The following TNKS variants were observed in gnomAD, a reference collection of about 807,000 sequenced individuals.
The protein encoded by TNKS is poly [ADP-ribose] polymerase tankyrase-1.
Under a neutral mutation model 135.8 loss-of-function variants are expected in TNKS, and 72 were observed. The ratio of observed to expected loss-of-function variants is 0.53; its 90% CI spans 0.44 to 0.64. TNKS has a LOEUF of 0.64. Ranked by LOEUF, TNKS falls within the 30% of genes least tolerant of loss-of-function variation. The pLI is 0.00. For synonymous variants in TNKS, 849 were observed against 649.3 expected (o/e 1.31, Z -4.68); for missense variants, 1,769 against 1,674.0 (o/e 1.06, Z -0.99).
At chr8:9,706,786 T>C (rs1804068448) in intron 7 of TNKS, 25 bp from the exon 8 acceptor site, 23 of 1,581,406 alleles carry the variant, frequency 1.5e-5, no homozygotes, top group Non-Finnish European at 1.9e-5. Flanking sequence ...ATTACTGACC[T>C]AAAATGTTTT....
chr8:9,661,912 C>G (rs1379871207), intron 3 of TNKS, among the ~76,000 whole-genome samples: 1 of 152,090 alleles, frequency 6.6e-6, no homozygotes, highest in African/African-American at 2.4e-5. Flanking sequence ...AACCCCATCA[C>G]AAAGTGGGCA....
intron 3 of TNKS, among the ~76,000 whole-genome samples, chr8:9,649,873 C>CTT (rs1563141635): frequency 5.2e-5 from 5 of 95,802 alleles, no homozygotes; most frequent in East Asian, 3.0e-4. Flanking sequence ...TCTTTCTTTT[C>CTT]TTTTCTTTTT....
chr8:9,645,387 T>C (rs1464312834), intron 3 of TNKS, among the ~76,000 whole-genome samples: 1 of 152,062 alleles, frequency 6.6e-6, no homozygotes, highest in Non-Finnish European at 1.5e-5. Flanking sequence ...TAGTAAACAG[T>C]TTTATGCAAG....
rs565334140 is a variant in TNKS at position 9,703,410 on chromosome 8, A to C, written c.1108-1253A>C. Among the ~76,000 whole-genome samples, 92 of 152,350 alleles carry C rather than the reference A, an allele frequency of 6.0e-4. 1 individual carries two copies. Among genetic ancestry groups the C allele is most frequent in the Non-Finnish European group, 1.0e-3 (68 of 68,032 alleles). The stretch of plus-strand genomic sequence containing the variant: ...ATTTTCACAGGTTTTTCAGATAGCG[A>C]GGATGAGTGATTTTATCTCCATTTT... On this transcript the variant is annotated intron_variant, in intron 5 of 26. Transcript: ENST00000310430.
intron 3 of TNKS, among the ~76,000 whole-genome samples, chr8:9,635,173 GAAA>G (rs35383195): frequency 1.5e-5 from 2 of 129,220 alleles, no homozygotes. Flanking sequence ...CCGTCTCGGG[GAAA>G]AAAAAAAAAA....
chr8:9,561,195 A>C (rs966140662), intron 1 of TNKS, among the ~76,000 whole-genome samples: 1 of 152,212 alleles, frequency 6.6e-6, no homozygotes, highest in African/African-American at 2.4e-5. Flanking sequence ...GCTAATTTGC[A>C]TATCATTATC....
chr8:9,735,059 A>G lies in TNKS; in HGVS notation c.2508A>G (p.Arg836=), dbSNP rs1805624784. The G allele has an allele frequency of 1.2e-6, 2 of 1,614,156 alleles. No individual in the cohort carries two copies. Among genetic ancestry groups the G allele is most frequent in the Non-Finnish European group, 1.7e-6 (2 of 1,180,012 alleles). Residue 836 remains arginine (R), a synonymous_variant, in exon 16 of 27, where the codon AGA becomes AGG. Transcript: ENST00000310430. ...TCAACTGCAGAGACACCCAGGGCAG[A>G]AATTCAACCCCTCTGCACCTGGCAG... ...ENINCRDTQG[R]NSTPLHLAAG... is the part of the protein sequence containing the mutation.
intron 13 of TNKS, among the ~76,000 whole-genome samples, chr8:9,727,161 T>G (rs1805203322): frequency 6.6e-6 from 1 of 152,198 alleles, no homozygotes; most frequent in African/African-American, 2.4e-5. Context: ...ACACATTTAT[T>G]CTAGGAAAGC....
intron 3 of TNKS, among the ~76,000 whole-genome samples, chr8:9,634,741 T>C (rs1446051836): frequency 1.3e-5 from 2 of 152,066 alleles, no homozygotes; most frequent in African/African-American, 4.8e-5. Flanking sequence ...CCAATAGCAG[T>C]GGAGCACACC....
intron 5 of TNKS, among the ~76,000 whole-genome samples, chr8:9,686,333 C>A (rs1353703362): frequency 6.6e-6 from 1 of 152,156 alleles, no homozygotes; most frequent in African/African-American, 2.4e-5. Context: ...TAACTATTCA[C>A]ACGTCCCAGA....
At chr8:9,734,054 G>T (rs536561660) in intron 15 of TNKS, among the ~76,000 whole-genome samples, 1 of 151,262 alleles carries the variant, frequency 6.6e-6, no homozygotes, top group East Asian at 1.9e-4. Flanking sequence ...TTTTAACTAC[G>T]GAAAAAAAAT....
At chr8:9,698,580 A>G (rs887272606) in intron 5 of TNKS, among the ~76,000 whole-genome samples, 2 of 152,182 alleles carry the variant, frequency 1.3e-5, no homozygotes, top group African/African-American at 4.8e-5. Flanking sequence ...AGAGACGTTA[A>G]TAAATTAACA....
chr8:9,776,186 G>A (rs1585462718), intron 26 of TNKS, among the ~76,000 whole-genome samples: 1 of 152,216 alleles, frequency 6.6e-6, no homozygotes, highest in East Asian at 2.0e-4. Flanking sequence ...GGTTATTGGT[G>A]ACTCAGTACA....
At chr8:9,628,762 A>G (rs769603347) in intron 3 of TNKS, among the ~76,000 whole-genome samples, 6 of 152,126 alleles carry the variant, frequency 3.9e-5, no homozygotes, top group Non-Finnish European at 7.3e-5. Flanking sequence ...AGAGGTACAT[A>G]TCCTACTACC....
chr8:9,667,007 A>G (rs773036452), intron 3 of TNKS, among the ~76,000 whole-genome samples: 15 of 152,204 alleles, frequency 9.9e-5, no homozygotes, highest in Non-Finnish European at 1.9e-4. Flanking sequence ...GCTATCTGGA[A>G]TGATTTAGTT....
At chr8:9,598,021 T>A (rs1585212323) in intron 2 of TNKS, among the ~76,000 whole-genome samples, 1 of 152,216 alleles carries the variant, frequency 6.6e-6, no homozygotes, top group South Asian at 2.1e-4. Flanking sequence ...AGTTATATTC[T>A]TTATGTCCTT....
At chr8:9,707,376 C>T (rs1804098725) in intron 8 of TNKS, among the ~76,000 whole-genome samples, 1 of 152,120 alleles carries the variant, frequency 6.6e-6, no homozygotes, top group Non-Finnish European at 1.5e-5. Flanking sequence ...GTGCTATTGA[C>T]AGTGATAGGT....
chr8:9,622,435 C>G (rs887060931), intron 3 of TNKS, among the ~76,000 whole-genome samples: 1 of 152,270 alleles, frequency 6.6e-6, no homozygotes, highest in Middle Eastern at 3.4e-3. Context: ...CACAATGAAG[C>G]TGTGAAGTAG....
intron 1 of TNKS, among the ~76,000 whole-genome samples, chr8:9,579,882 T>G (rs991416644): frequency 6.6e-6 from 1 of 152,226 alleles, no homozygotes; most frequent in South Asian, 2.1e-4. Flanking sequence ...TTGTCATATT[T>G]ATTTTGTGTT....
Sources: allele counts gnomAD v4.1 joint callset (sites outside exome capture counted in the v4.1 genomes callset), GRCh38; gene constraint gnomAD v4.1.1; transcripts MANE v1.5; gene names NCBI Gene and HGNC (gene_info 2026-07-23, HGNC 2026-07-21).